The following LTA4H variants were observed in gnomAD, a reference collection of about 807,000 sequenced individuals.
LTA4H encodes leukotriene A-4 hydrolase.
LTA4H carries 59 observed loss-of-function variants against 89.8 expected under a neutral mutation model. That is an observed-to-expected ratio of 0.66 (90% CI 0.53 to 0.82). The LOEUF is 0.82. Ranked by LOEUF, LTA4H falls within the 40% of genes least tolerant of loss-of-function variation. The probability of loss-of-function intolerance (pLI) is 0.00; values close to 1 mark genes in which losing one functional copy is unlikely to be tolerated. For missense variants in LTA4H, 617 were observed against 727.0 expected (o/e 0.85, Z 1.74); for synonymous variants, 227 against 253.1 (o/e 0.90, Z 0.98).
intron 15 of LTA4H, among the ~76,000 whole-genome samples, chr12:96,008,388 C>G (rs1462594453): frequency 6.6e-6 from 1 of 152,050 alleles, no homozygotes; most frequent in Non-Finnish European, 1.5e-5. Context: ...GAACAAAGAG[C>G]AAAAGTGCTT....
Position 96,001,066 on chromosome 12 carries a change from G to C in LTA4H, c.1759C>G (p.Arg587Gly). 2 of 1,613,914 alleles carry C rather than the reference G, an allele frequency of 1.2e-6. No homozygotes were observed. The highest frequency in any genetic ancestry group is 1.3e-5 in the African/African-American group (1 of 74,944). ...CTTGCTTTGTGCTCTTGGTAGGTTCGGACAGCTTGATCATGGGATTTGTCA... is the reference window on the plus strand; with the variant it reads ...CTTGCTTTGTGCTCTTGGTAGGTTCCGACAGCTTGATCATGGGATTTGTCA... ...AFDKSHDQAVRTYQEHKASMH... is the reference protein window; with the variant it reads ...AFDKSHDQAVGTYQEHKASMH... The change falls in exon 19 of 19, where the codon CGA (arginine) becomes GGA (glycine). Residue 587 changes from arginine to glycine, a missense_variant. Physicochemically the swap from Arg to Gly is moderately radical, Grantham distance 125. Transcript: ENST00000228740.
At chr12:96,019,137 A>C (rs1160658489) in intron 7 of LTA4H, 31 bp downstream of exon 7, 22 of 1,576,516 alleles carry the variant, frequency 1.4e-5, no homozygotes, top group Non-Finnish European at 1.9e-5. Flanking sequence ...TGTCTATCAC[A>C]ATGATTACAA....
At chr12:96,036,005 C>A (rs2540487), upstream of LTA4H, among the ~76,000 whole-genome samples, 1 of 152,158 alleles carries the variant, frequency 6.6e-6, no homozygotes, top group East Asian at 1.9e-4. Flanking sequence ...TATCAGAAGG[C>A]TTTCTTTCGT....
In LTA4H at chr12:96,035,529, G is replaced by A; in HGVS notation, c.-10C>T. The stretch of plus-strand genomic sequence containing the variant: ...CCACTATCTCGGGCATGGCTCTGGG[G>A]GATCACACAGCACAGCGACCTACAG... On this transcript the variant is annotated 5_prime_UTR_variant, in exon 1 of 19. Coordinates refer to ENST00000228740, the MANE Select transcript of LTA4H (RefSeq NM_000895.3). The A allele has an allele frequency of 1.9e-6, 3 of 1,598,834 alleles. No homozygotes were observed. The highest frequency in any genetic ancestry group is 2.6e-6 in the Non-Finnish European group (3 of 1,172,282).
At chr12:96,024,091 G>A (rs1467822338) in intron 4 of LTA4H, among the ~76,000 whole-genome samples, 1 of 151,700 alleles carries the variant, frequency 6.6e-6, no homozygotes, top group African/African-American at 2.4e-5. Context: ...CACCATGCCC[G>A]GCTAATTTTT....
At chr12:96,001,162 A>G in intron 18 of LTA4H, 56 bp from the exon 19 acceptor site, 1 of 1,068,252 alleles carries the variant, frequency 9.4e-7, no homozygotes. Flanking sequence ...ACAGAGGAGG[A>G]GAAAGGGAGG....
chr12:96,006,105 A>G (rs1950194417), intron 16 of LTA4H, among the ~76,000 whole-genome samples: 2 of 152,192 alleles, frequency 1.3e-5, no homozygotes, highest in African/African-American at 4.8e-5. Context: ...ATTTGAAGAT[A>G]AGGTATATCC....
chr12:96,035,395 G>T lies in LTA4H; in HGVS notation c.125C>A (p.Thr42Lys), dbSNP rs1327405473. The T allele has an allele frequency of 1.2e-6, 2 of 1,611,598 alleles. No individual in the cohort carries two copies. The highest frequency in any genetic ancestry group is 8.5e-7 in the Non-Finnish European group (1 of 1,179,002). The change falls in exon 1 of 19, where the codon ACG becomes AAG. Residue 42 changes from threonine to lysine, a missense_variant. Physicochemically the swap from Thr to Lys is moderately conservative, Grantham distance 78. Around this residue, in one of 3 missense-constraint regions of LTA4H, gnomAD observed 155 missense variants for 143.3 expected, o/e 1.08. Transcript: ENST00000228740. ...RRTLTGTAAL[T>K]VQSQEDNLRS... is the part of the protein sequence containing the mutation. Reference sequence around the variant, plus strand: ...CAGATTGTCCTCCTGAGACTGGACCGTGAGAGCAGCAGTCCCGGTCAGCGT... The same window carrying T: ...CAGATTGTCCTCCTGAGACTGGACCTTGAGAGCAGCAGTCCCGGTCAGCGT...
At chr12:96,021,025 A>C in intron 6 of LTA4H, 60 bp downstream of exon 6, 1 of 1,313,160 alleles carries the variant, frequency 7.6e-7, no homozygotes, top group African/African-American at 1.5e-5. Context: ...CCTTGAGAGA[A>C]GTTCAAGATG....
rs147431836 is a variant in LTA4H at position 96,024,920 on chromosome 12, G to A, written c.412-373C>T. ...CAACTTCAGGTGATCTGCCCACCTC[G>A]GCCTCCCAAAGTGCAGGGATTACAG... is the stretch of plus-strand genomic sequence containing the variant. On this transcript the variant is annotated intron_variant, in intron 3 of 18. Coordinates refer to ENST00000228740, the MANE Select transcript of LTA4H (RefSeq NM_000895.3). 6.5e-4 allele frequency among the ~76,000 whole-genome samples: 99 copies of A among 152,152 alleles called. 1 individual carries two copies. The East Asian group carries it at 0.019, about 29-fold the overall frequency.
intron 8 of LTA4H, among the ~76,000 whole-genome samples, chr12:96,017,823 T>C (rs999604688): frequency 6.6e-6 from 1 of 152,234 alleles, no homozygotes; most frequent in Non-Finnish European, 1.5e-5. Context: ...AGCCAGTCTA[T>C]TTGTGTCTAA....
intron 3 of LTA4H, among the ~76,000 whole-genome samples, chr12:96,025,646 C>T (rs945407891): frequency 4.6e-5 from 7 of 151,982 alleles, no homozygotes; most frequent in African/African-American, 1.7e-4. Flanking sequence ...GCCTGGGCAA[C>T]ATAGTGAGAC....
intron 3 of LTA4H, among the ~76,000 whole-genome samples, chr12:96,026,849 C>A (rs1457600740): frequency 6.6e-6 from 1 of 152,094 alleles, no homozygotes; most frequent in Non-Finnish European, 1.5e-5. Context: ...AATGTATTAT[C>A]CTTGTGACAG....
Position 96,022,738 on chromosome 12 carries a change from A to C in LTA4H, c.481-487T>G, listed in dbSNP as rs2136902844. ...CCATCAAGTAAGTGTAAAACTTCAA[A>C]GGCTTGCTGCAAGGAATAAATAATA... On this transcript the variant is annotated intron_variant, in intron 4 of 18. Coordinates refer to ENST00000228740, the MANE Select transcript of LTA4H (RefSeq NM_000895.3). This position sits in a 1 kb window ranked among gnomAD's most constrained non-coding sequence, Gnocchi z 4.0. Among the ~76,000 whole-genome samples the C allele has an allele frequency of 6.6e-6, 1 of 152,268 alleles. No homozygotes were observed. Among genetic ancestry groups the C allele is most frequent in the African/African-American group, 2.4e-5 (1 of 41,564 alleles).
chr12:96,034,304 G>A (rs1950609860), intron 1 of LTA4H, among the ~76,000 whole-genome samples: 1 of 152,166 alleles, frequency 6.6e-6, no homozygotes, highest in Non-Finnish European at 1.5e-5. Context: ...GATCTTCTAT[G>A]AAATTCTTCA....
Position 96,028,952 on chromosome 12 carries a change from C to T in LTA4H, c.290+103G>A, listed in dbSNP as rs1950541707. Reference sequence around the variant, plus strand: ...AGGATAAGTAGTGTACCAATCATTACATATTTACAAACTAAAATTTAAAAA... The same window carrying T: ...AGGATAAGTAGTGTACCAATCATTATATATTTACAAACTAAAATTTAAAAA... On this transcript the variant is annotated intron_variant, in intron 2 of 18. Transcript: ENST00000228740. The T allele has an allele frequency of 3.2e-6, 3 of 928,936 alleles. No homozygotes were observed. In the African/African-American group the frequency reaches 5.2e-5, roughly 16 times the overall value. 57.5% of individuals were successfully genotyped at this position (928,936 alleles called of 1,614,324 possible).
In LTA4H at chr12:96,027,491, C is replaced by T. The variant is rs1384011077; in HGVS notation, c.364G>A (p.Glu122Lys). 1 of 1,612,208 alleles carries T rather than the reference C, an allele frequency of 6.2e-7. No homozygotes were observed. Among genetic ancestry groups the T allele is most frequent in the Non-Finnish European group, 8.5e-7 (1 of 1,179,006 alleles). ...KSSALQWLTPEQTSGKEHPYL... is the reference protein window; with the variant it reads ...KSSALQWLTPKQTSGKEHPYL... ...GGGTGTTCCTTCCCAGAAGTCTGTTCAGGAGTGAGCCACTGGAGAGCAGAA... is the reference window on the plus strand; with the variant it reads ...GGGTGTTCCTTCCCAGAAGTCTGTTTAGGAGTGAGCCACTGGAGAGCAGAA... The change falls in exon 3 of 19, where the codon GAA becomes AAA. Residue 122 changes from glutamate to lysine, a missense_variant. Coordinates refer to ENST00000228740, the MANE Select transcript of LTA4H (RefSeq NM_000895.3).
rs1950353812 is a variant in LTA4H at position 96,014,918 on chromosome 12, A to C, written c.1141T>G (p.Ser381Ala). The C allele has an allele frequency of 1.2e-6, 2 of 1,613,872 alleles. No individual in the cohort carries two copies. Among genetic ancestry groups the C allele is most frequent in the East Asian group, 4.5e-5 (2 of 44,840 alleles). ...TDIDPDVAYS[S>A]VPYEKGFALL... ...GCAAAGCCCTTCTCATAGGGAACTG[A>C]AGAATAAGCTACATCAGGGTCTATA... The change falls in exon 12 of 19, where the codon TCA becomes GCA. Residue 381 changes from serine (S) to alanine (A), a missense_variant. Physicochemically the swap from Ser to Ala is moderately conservative, Grantham distance 99 (BLOSUM62 1). Coordinates refer to ENST00000228740, the MANE Select transcript of LTA4H (RefSeq NM_000895.3).
intron 10 of LTA4H, among the ~76,000 whole-genome samples, chr12:96,016,216 A>C (rs1416020289): frequency 2.7e-5 from 4 of 150,540 alleles, no homozygotes; most frequent in Admixed American, 2.0e-4. Flanking sequence ...CGGGAGGCTA[A>C]GGCACAAGAA....
Sources: gnomAD v4.1 joint callset for allele counts (sites outside exome capture counted in the v4.1 genomes callset) on GRCh38, gnomAD v4.1.1 for gene constraint, gnomAD v4.1.1 regional missense constraint, Gnocchi (gnomAD v3.1) non-coding constraint, MANE v1.5 for transcripts, NCBI Gene and HGNC (gene_info 2026-07-23, HGNC 2026-07-21) for gene names.